Variants in NEGR1 observed in about 807,000 individuals in gnomAD.
NEGR1 encodes the protein IgLON family member 4.
Under a neutral mutation model 40.9 loss-of-function variants are expected in NEGR1, and 10 were observed. The observed-to-expected ratio is 0.24, with a 90% CI of 0.15 to 0.42. NEGR1 has a LOEUF of 0.42. NEGR1 is among the 10% of genes least tolerant of loss of function. The pLI, the probability that NEGR1 is intolerant of heterozygous loss-of-function variation, is 1.00. For synonymous variants in NEGR1, 185 were observed against 166.8 expected, an observed-to-expected ratio of 1.11 and a Z score of -0.84; for missense variants, 352 against 438.9, an observed-to-expected ratio of 0.80 and a Z score of 1.77.
chr1:72,110,143 CG>C (rs1190621364), intron 1 of NEGR1, among the ~76,000 whole-genome samples: 1 of 147,866 alleles, frequency 6.8e-6, no homozygotes, highest in Non-Finnish European at 1.5e-5. Context: ...AAGTATTATA[CG>C]CACGTAATTT....
In NEGR1 at chr1:72,122,968, T is replaced by C. The variant is rs574735086; in HGVS notation, c.176+159351A>G. On this transcript the variant is annotated intron_variant, in intron 1 of 6. Transcript: ENST00000357731. ...ACATATTTTGAATATGTCTAAATAA[T>C]GGGATATATTGAGAACATGTAACAT... Among the ~76,000 whole-genome samples, 5 of 152,058 alleles carry C rather than the reference T, an allele frequency of 3.3e-5. No individual in the cohort carries two copies. The South Asian group carries it at 8.3e-4, about 25-fold the overall frequency.
At chr1:71,938,046 G>T (rs1645924173) in intron 1 of NEGR1, among the ~76,000 whole-genome samples, 1 of 151,914 alleles carries the variant, frequency 6.6e-6, no homozygotes. Flanking sequence ...TGTCTCCTTG[G>T]CTTCAATAAC....
At position 72,027,531 on chromosome 1, in the gene NEGR1, A is replaced by G. The variant is rs114462662; in HGVS notation, c.177-92220T>C. 2.6e-3 allele frequency among the ~76,000 whole-genome samples: 398 copies of G among 150,610 alleles called. 1 individual carries two copies. The highest frequency in any genetic ancestry group is 3.2e-3 in the Non-Finnish European group (219 of 67,990). On this transcript the variant is annotated intron_variant, in intron 1 of 6. Transcript: ENST00000357731. Reference sequence around the variant, plus strand: ...TTTCTGGTTGATAGGATAAATGAGAACCAGGTATAAATAATAATTAAAAAA... The same window carrying G: ...TTTCTGGTTGATAGGATAAATGAGAGCCAGGTATAAATAATAATTAAAAAA...
At chr1:71,602,530 C>G (rs1649959992) in intron 5 of NEGR1, among the ~76,000 whole-genome samples, 1 of 152,046 alleles carries the variant, frequency 6.6e-6, no homozygotes, top group Non-Finnish European at 1.5e-5. Flanking sequence ...GGATTACAGG[C>G]GTGAGCCACC....
chr1:71,553,092 T>A lies in NEGR1; in HGVS notation c.940+39725A>T, dbSNP rs1314181618. 2.6e-5 allele frequency among the ~76,000 whole-genome samples: 4 copies of A among 151,586 alleles called. No homozygotes were observed. The East Asian group carries it at 7.8e-4, about 30-fold the overall frequency. ...GGCAATTTCCTGTTTCTTTCTTTTA[T>A]CCTTCTATTATTAAAAATTCTGCTG... On this transcript the variant is annotated intron_variant, in intron 6 of 6. Coordinates refer to ENST00000357731, the MANE Select transcript of NEGR1 (RefSeq NM_173808.3).
At chr1:71,792,715 T>C (rs968194812) in intron 2 of NEGR1, among the ~76,000 whole-genome samples, 1 of 152,158 alleles carries the variant, frequency 6.6e-6, no homozygotes, top group African/African-American at 2.4e-5. Context: ...GCTAGGATTT[T>C]AATATCAAAC....
At chr1:71,648,029 A>G (rs1422429696) in intron 4 of NEGR1, among the ~76,000 whole-genome samples, 1 of 152,050 alleles carries the variant, frequency 6.6e-6, no homozygotes, top group African/African-American at 2.4e-5. Flanking sequence ...AATTCCAGTG[A>G]AACATAATAT....
intron 6 of NEGR1, among the ~76,000 whole-genome samples, chr1:71,487,742 T>TA (rs1646896497): frequency 1.5e-5 from 1 of 68,742 alleles, no homozygotes. Context: ...ATTCATTAGA[T>TA]TTTTTTTTTA....
intron 6 of NEGR1, among the ~76,000 whole-genome samples, chr1:71,554,612 T>C (rs565658557): frequency 1.3e-5 from 2 of 151,476 alleles, no homozygotes; most frequent in East Asian, 2.0e-4. Flanking sequence ...AAACACAAGA[T>C]AGAATATTAA....
At chr1:71,866,544 T>C (rs1660119662) in intron 2 of NEGR1, among the ~76,000 whole-genome samples, 1 of 152,192 alleles carries the variant, frequency 6.6e-6, no homozygotes, top group Non-Finnish European at 1.5e-5. Context: ...CCTTACAAAG[T>C]TTTTCACATT....
chr1:71,925,876 G>A (rs568314504), intron 2 of NEGR1, among the ~76,000 whole-genome samples: 10 of 152,246 alleles, frequency 6.6e-5, no homozygotes, highest in African/African-American at 1.9e-4. Flanking sequence ...TATTTATAGA[G>A]AGATTTTCAT....
chr1:71,478,901 G>C (rs1164697143), intron 6 of NEGR1, among the ~76,000 whole-genome samples: 1 of 151,982 alleles, frequency 6.6e-6, no homozygotes, highest in Non-Finnish European at 1.5e-5. Flanking sequence ...GAGTGACACT[G>C]TATGAGCAGT....
At chr1:72,241,424 G>GA (rs1654740085) in intron 1 of NEGR1, among the ~76,000 whole-genome samples, 1 of 151,236 alleles carries the variant, frequency 6.6e-6, no homozygotes, top group Non-Finnish European at 1.5e-5. Flanking sequence ...AAAGGGCTTT[G>GA]TTTTTTTCTT....
At chr1:72,001,074 A>G (rs1646553408) in intron 1 of NEGR1, among the ~76,000 whole-genome samples, 1 of 152,140 alleles carries the variant, frequency 6.6e-6, no homozygotes, top group African/African-American at 2.4e-5. Flanking sequence ...GAGTAACTCA[A>G]GCTAAGGGCC....
At chr1:71,861,286 A>T (rs1208453497) in intron 2 of NEGR1, among the ~76,000 whole-genome samples, 2 of 152,044 alleles carry the variant, frequency 1.3e-5, no homozygotes, top group Admixed American at 6.6e-5. Flanking sequence ...TAAAACACTT[A>T]GAAGAGTGAC....
intron 1 of NEGR1, among the ~76,000 whole-genome samples, chr1:72,126,943 T>G (rs1040188170): frequency 1.3e-5 from 2 of 152,308 alleles, no homozygotes; most frequent in Admixed American, 1.3e-4. Context: ...TTTATTTTGA[T>G]TATACTGGTC....
At chr1:71,928,417 TAC>T (rs1403319729) in intron 2 of NEGR1, among the ~76,000 whole-genome samples, 2 of 140,984 alleles carry the variant, frequency 1.4e-5, no homozygotes, top group Non-Finnish European at 3.1e-5. Flanking sequence ...TATGTATATA[TAC>T]ACACATATGT....
At chr1:72,095,235 T>C (rs1648654278) in intron 1 of NEGR1, among the ~76,000 whole-genome samples, 1 of 152,166 alleles carries the variant, frequency 6.6e-6, no homozygotes, top group South Asian at 2.1e-4. Flanking sequence ...AATAGTTTAG[T>C]AATAGTTCAT....
intron 1 of NEGR1, among the ~76,000 whole-genome samples, chr1:72,126,091 ATG>A (rs67552146): frequency 0.052 from 7,619 of 146,644 alleles, 324 homozygotes; most frequent in African/African-American, 0.11. Flanking sequence ...AGAGAAAAGT[ATG>A]TGTGTGTGTG....
Sources: gnomAD v4.1 joint callset for allele counts (sites outside exome capture counted in the v4.1 genomes callset) on GRCh38, gnomAD v4.1.1 for gene constraint, MANE v1.5 for transcripts, NCBI Gene and HGNC (gene_info 2026-07-23, HGNC 2026-07-21) for gene names.